The following GRIP1 variants were observed in gnomAD, a reference collection of about 807,000 sequenced individuals.
GRIP1 encodes the protein glutamate receptor interacting protein 1, also known as glutamate receptor-interacting protein 1.
A neutral mutation model predicts 129.9 loss-of-function variants in GRIP1; 45 were observed. That is an observed-to-expected ratio of 0.35 (90% CI 0.27 to 0.44). GRIP1 has a LOEUF of 0.44. GRIP1 is among the 20% of genes least tolerant of loss of function. GRIP1 has a pLI of 1.00. For synonymous variants in GRIP1, 530 were observed against 520.8 expected, an observed-to-expected ratio of 1.02 and a Z score of -0.24; for missense variants, 1,196 against 1,396.8, an observed-to-expected ratio of 0.86 and a Z score of 2.29.
chr12:66,680,390 T>C (rs894135081), upstream of GRIP1, among the ~76,000 whole-genome samples: 2 of 152,182 alleles, frequency 1.3e-5, no homozygotes, highest in African/African-American at 4.8e-5. Context: ...AATTTGTGTG[T>C]GAAAAACATC....
intron 1 of GRIP1, among the ~76,000 whole-genome samples, chr12:66,697,424 G>A (rs959973000): frequency 1.5e-4 from 23 of 152,118 alleles, no homozygotes; most frequent in Admixed American, 6.6e-4. Flanking sequence ...CAGAAACACA[G>A]CTGTTACACC....
rs112583541 is a variant in GRIP1, at chr12:66,922,111, C to T, written c.58+146939G>A. On this transcript the variant is annotated intron_variant, in intron 1 of 1. Coordinates refer to the GRIP1 transcript ENST00000643019. ...GGTTTATATTTCATTTAGAAACCAA[C>T]GGTTTATAAGAAGAGCCAACAACTG... Among the ~76,000 whole-genome samples, 244 of 138,254 alleles carry T rather than the reference C, an allele frequency of 1.8e-3. 1 individual carries two copies. Among genetic ancestry groups the T allele is most frequent in the Middle Eastern group, 0.017 (5 of 286 alleles). The allele number at this position is 138,254 out of a possible 152,430, so 90.7% of individuals were successfully genotyped here.
intron 1 of GRIP1, among the ~76,000 whole-genome samples, chr12:66,980,447 C>A (rs1314759983): frequency 2.0e-5 from 3 of 151,986 alleles, no homozygotes; most frequent in Non-Finnish European, 4.4e-5. Context: ...CCTGTCCCTA[C>A]TAAAAATACA....
intron 1 of GRIP1, among the ~76,000 whole-genome samples, chr12:66,940,957 T>C (rs2041574642): frequency 6.6e-6 from 1 of 152,186 alleles, no homozygotes; most frequent in African/African-American, 2.4e-5. Context: ...CCATTTCTGA[T>C]ATCAGTTTTT....
intron 1 of GRIP1, among the ~76,000 whole-genome samples, chr12:66,644,337 C>CA (rs149444395): frequency 0.02 from 2,986 of 152,076 alleles, 34 homozygotes; most frequent in Middle Eastern, 0.037. Context: ...GAAGAACTGC[C>CA]AAGAATAACA....
chr12:66,609,344 AACTTTC>A (rs1218489536), intron 1 of GRIP1, among the ~76,000 whole-genome samples: 1 of 152,092 alleles, frequency 6.6e-6, no homozygotes, highest in African/African-American at 2.4e-5. Context: ...ACCTATACCT[AACTTTC>A]TACCACAATA....
Position 66,589,351 on chromosome 12 carries a change from G to A in GRIP1, c.136+7496C>T, listed in dbSNP as rs982545539. ...TTCAACTTCCTCTTTCTCTTTTCTC[G>A]TTTCTTTTCATTTGTTAAAAGAAGC... is the stretch of plus-strand genomic sequence containing the variant. On this transcript the variant is annotated intron_variant, in intron 2 of 24. Transcript: ENST00000359742. Among the ~76,000 whole-genome samples the A allele has an allele frequency of 2.1e-4, 32 of 151,172 alleles. 1 individual carries two copies. Among genetic ancestry groups the A allele is most frequent in the African/African-American group, 6.1e-4 (25 of 41,066 alleles).
At chr12:67,016,878 T>C (rs2042796491) in intron 1 of GRIP1, among the ~76,000 whole-genome samples, 1 of 152,180 alleles carries the variant, frequency 6.6e-6, no homozygotes, top group African/African-American at 2.4e-5. Flanking sequence ...AGGAACTGCA[T>C]TGCCTAGATG....
At chr12:66,714,356 A>T (rs989245334) in intron 1 of GRIP1, among the ~76,000 whole-genome samples, 8 of 152,090 alleles carry the variant, frequency 5.3e-5, no homozygotes, top group Admixed American at 2.0e-4. Context: ...ACAAAAGACT[A>T]TAAGAGTTAA....
chr12:66,428,847 T>C lies in GRIP1; in HGVS notation c.1768+3701A>G, dbSNP rs186084028. On this transcript the variant is annotated intron_variant, in intron 14 of 24. Coordinates refer to ENST00000359742, the MANE Select transcript of GRIP1 (RefSeq NM_001366722.1). ...CATGTAAAAAGGACTTTACTGATAA[T>C]GGGATGTGACAGAGACAATCAGGAT... Among the ~76,000 whole-genome samples the C allele has an allele frequency of 5.3e-5, 8 of 152,248 alleles. No individual in the cohort carries two copies. In the East Asian group the frequency reaches 9.7e-4, roughly 18 times the overall value.
At chr12:67,031,933 T>C (rs1281654989) in intron 1 of GRIP1, among the ~76,000 whole-genome samples, 3 of 152,168 alleles carry the variant, frequency 2.0e-5, no homozygotes, top group Non-Finnish European at 4.4e-5. Context: ...ACTCCAAACA[T>C]ACCCTGTATC....
rs570197727 is a variant in GRIP1 at position 66,729,488 on chromosome 12, T to C, written c.-420+74565A>G. Among the ~76,000 whole-genome samples the C allele has an allele frequency of 7.2e-5, 11 of 152,328 alleles. No homozygotes were observed. The East Asian group carries it at 7.7e-4, about 11-fold the overall frequency. On this transcript the variant is annotated intron_variant, in intron 1 of 4. Transcript: ENST00000538373. Reference sequence around the variant, plus strand: ...GTAAATCTAGAAGGAAGGACTATTATATCTTCCAATTTACAGAATAGAGAC... The same window carrying C: ...GTAAATCTAGAAGGAAGGACTATTACATCTTCCAATTTACAGAATAGAGAC...
chr12:66,845,904 T>A (rs932535425), intron 1 of GRIP1, among the ~76,000 whole-genome samples: 2 of 152,158 alleles, frequency 1.3e-5, no homozygotes, highest in Non-Finnish European at 2.9e-5. Context: ...TAATTTGGTG[T>A]CTAGGTAGTC....
intron 1 of GRIP1, among the ~76,000 whole-genome samples, chr12:66,860,673 A>G (rs1017103262): frequency 5.3e-5 from 8 of 152,008 alleles, no homozygotes; most frequent in Admixed American, 5.2e-4. Flanking sequence ...CCTGCTTTAC[A>G]TTAAAGATGT....
chr12:66,810,248 T>C (rs530274404), intron 1 of GRIP1, among the ~76,000 whole-genome samples: 1 of 152,294 alleles, frequency 6.6e-6, no homozygotes, highest in South Asian at 2.1e-4. Flanking sequence ...TAATTATAAA[T>C]AGATTTTCAT....
chr12:67,043,815 C>T (rs2043213923), intron 1 of GRIP1, among the ~76,000 whole-genome samples: 1 of 152,028 alleles, frequency 6.6e-6, no homozygotes, highest in African/African-American at 2.4e-5. Context: ...ATATTTATTA[C>T]TTAGTTATGC....
At chr12:66,536,314 C>T (rs74098373) in intron 4 of GRIP1, among the ~76,000 whole-genome samples, 7,486 of 152,200 alleles carry the variant, frequency 0.049, 612 homozygotes, top group African/African-American at 0.17. Flanking sequence ...TGCCCCAAAC[C>T]ATATAGTGAC....
chr12:66,373,810 T>C (rs2055651780), intron 22 of GRIP1, among the ~76,000 whole-genome samples: 1 of 152,230 alleles, frequency 6.6e-6, no homozygotes, highest in African/African-American at 2.4e-5. Flanking sequence ...GAATATCATT[T>C]AATACATAAG....
In GRIP1 at chr12:66,502,202, C is replaced by T. The variant is rs142373551; in HGVS notation, c.724+13417G>A. Among the ~76,000 whole-genome samples, 1,293 of 152,202 alleles carry T rather than the reference C, an allele frequency of 8.5e-3. 19 individuals carry two copies. The highest frequency in any genetic ancestry group is 0.03 in the African/African-American group (1,250 of 41,516). ...GATATAGTCTGGTCTCCTTATGTTA[C>T]GAGTTAGGAGTAGTGGCCCAAAGAT... On this transcript the variant is annotated intron_variant, in intron 7 of 24. Transcript: ENST00000359742.
Sources: allele counts gnomAD v4.1 joint callset (sites outside exome capture counted in the v4.1 genomes callset), GRCh38; gene constraint gnomAD v4.1.1; transcripts MANE v1.5; gene names NCBI Gene and HGNC (gene_info 2026-07-23, HGNC 2026-07-21).